Variants in KANK1 observed in about 807,000 individuals in gnomAD.
KANK1 encodes KN motif and ankyrin repeat domains 1.
In KANK1, 109 loss-of-function variants were observed where a neutral mutation model predicts 106.2. That is an observed-to-expected ratio of 1.03 (90% CI 0.88 to 1.20). KANK1 has a LOEUF of 1.20. Ranked by LOEUF, KANK1 falls within the 50% of genes most tolerant of loss-of-function variation. KANK1 has a pLI of 0.00. For missense variants in KANK1, 2,399 were observed against 1,710.7 expected (o/e 1.40, Z -7.10); for synonymous variants, 873 against 652.2 (o/e 1.34, Z -5.16).
At chr9:620,441 C>T (rs367950548) in intron 1 of KANK1, among the ~76,000 whole-genome samples, 17 of 151,952 alleles carry the variant, frequency 1.1e-4, no homozygotes, top group South Asian at 4.1e-4. Context: ...CACTGTCACC[C>T]GGGCTGGAGA....
chr9:561,379 A>G (rs1387123362), intron 1 of KANK1, among the ~76,000 whole-genome samples: 1 of 152,238 alleles, frequency 6.6e-6, no homozygotes, highest in African/African-American at 2.4e-5. Context: ...TAATGGCTAC[A>G]TAGCATCTCT....
At chr9:744,658 A>G in intron 11 of KANK1, 69 bp downstream of exon 11, 1 of 1,613,072 alleles carries the variant, frequency 6.2e-7, no homozygotes, top group Non-Finnish European at 8.5e-7. Context: ...CCCTTCCTCC[A>G]GGAATTGACG....
intron 9 of KANK1, among the ~76,000 whole-genome samples, chr9:741,379 G>A (rs949417867): frequency 1.3e-5 from 2 of 151,662 alleles, no homozygotes; most frequent in Non-Finnish European, 2.9e-5. Context: ...GAGTGCAGTG[G>A]CGGGATCTTG....
chr9:624,771 C>T (rs958947821), intron 1 of KANK1, among the ~76,000 whole-genome samples: 1 of 152,124 alleles, frequency 6.6e-6, no homozygotes, highest in African/African-American at 2.4e-5. Context: ...TGTACCCCAG[C>T]CTGGGTGACA....
intron 1 of KANK1, among the ~76,000 whole-genome samples, chr9:561,723 G>T (rs926924994): frequency 2.0e-5 from 3 of 152,180 alleles, no homozygotes; most frequent in African/African-American, 7.2e-5. Context: ...GTGATCTAAG[G>T]CTCCTTAAAA....
chr9:589,165 C>T (rs1285188548), intron 1 of KANK1, among the ~76,000 whole-genome samples: 1 of 152,220 alleles, frequency 6.6e-6, no homozygotes, highest in Non-Finnish European at 1.5e-5. Flanking sequence ...CTTCCACACA[C>T]ATTATCTCAT....
intron 1 of KANK1, among the ~76,000 whole-genome samples, chr9:600,822 A>G (rs1454428602): frequency 6.6e-6 from 1 of 151,880 alleles, no homozygotes; most frequent in Non-Finnish European, 1.5e-5. Flanking sequence ...ACTTTCCAAG[A>G]AAGATGAGTT....
chr9:492,802 A>G (rs962217725), intron 3 of KANK1, among the ~76,000 whole-genome samples: 5 of 152,056 alleles, frequency 3.3e-5, no homozygotes, highest in African/African-American at 1.2e-4. Context: ...AGGCGGGTGG[A>G]TCACCTGAGG....
At chr9:737,712 C>T (rs969482839) in intron 7 of KANK1, among the ~76,000 whole-genome samples, 17 of 152,308 alleles carry the variant, frequency 1.1e-4, no homozygotes, top group Admixed American at 9.2e-4. Flanking sequence ...TGGCTATACA[C>T]GTACGGTCTC....
intron 1 of KANK1, among the ~76,000 whole-genome samples, chr9:571,744 C>G (rs187468443): frequency 1.7e-4 from 26 of 152,224 alleles, no homozygotes; most frequent in African/African-American, 6.3e-4. Flanking sequence ...GAGAAGCAGA[C>G]ACATGGAGCA....
At chr9:588,498 G>C (rs987286045) in intron 1 of KANK1, among the ~76,000 whole-genome samples, 1 of 152,020 alleles carries the variant, frequency 6.6e-6, no homozygotes, top group Non-Finnish European at 1.5e-5. Flanking sequence ...TTCTCGAAAG[G>C]CCACACCAGT....
At chr9:616,429 C>A (rs571030707) in intron 1 of KANK1, among the ~76,000 whole-genome samples, 1 of 152,124 alleles carries the variant, frequency 6.6e-6, no homozygotes, top group Non-Finnish European at 1.5e-5. Flanking sequence ...CTTTAATTTA[C>A]GAAACCTCTA....
intron 2 of KANK1, among the ~76,000 whole-genome samples, chr9:678,506 A>T (rs1209909342): frequency 6.6e-6 from 1 of 152,104 alleles, no homozygotes; most frequent in Non-Finnish European, 1.5e-5. Flanking sequence ...AGGGGGATGG[A>T]TCACCCAAGG....
At chr9:515,331 C>T (rs1196051629) in intron 1 of KANK1, among the ~76,000 whole-genome samples, 3 of 140,672 alleles carry the variant, frequency 2.1e-5, no homozygotes, top group Admixed American at 1.4e-4. Flanking sequence ...GGTGAAAGAG[C>T]AAGACTCCTT....
intron 1 of KANK1, among the ~76,000 whole-genome samples, chr9:505,195 C>T (rs887691602): frequency 1.3e-5 from 2 of 152,156 alleles, no homozygotes; most frequent in African/African-American, 4.8e-5. Flanking sequence ...ACGGGGGACC[C>T]TCTCTGAAGC....
intron 1 of KANK1, among the ~76,000 whole-genome samples, chr9:508,677 T>C (rs551302577): frequency 2.0e-5 from 3 of 151,460 alleles, no homozygotes; most frequent in African/African-American, 7.4e-5. Flanking sequence ...CTGGTTTCTT[T>C]CTCAACATTA....
At chr9:719,255 G>C (rs949917620) in intron 3 of KANK1, among the ~76,000 whole-genome samples, 1 of 152,074 alleles carries the variant, frequency 6.6e-6, no homozygotes, top group Admixed American at 6.5e-5. Flanking sequence ...GCGTGAGCCA[G>C]CGCGCCCGGC....
chr9:653,284 A>C (rs1841332889), intron 1 of KANK1, among the ~76,000 whole-genome samples: 1 of 152,112 alleles, frequency 6.6e-6, no homozygotes, highest in South Asian at 2.1e-4. Context: ...ACTGGAAATG[A>C]AAATGCGGTT....
intron 1 of KANK1, among the ~76,000 whole-genome samples, chr9:536,479 C>T (rs924049572): frequency 1.3e-5 from 2 of 152,050 alleles, no homozygotes; most frequent in South Asian, 2.1e-4. Flanking sequence ...AATCTGTTTC[C>T]TTACTGCTGC....
Sources: gnomAD v4.1 joint callset for allele counts (sites outside exome capture counted in the v4.1 genomes callset) on GRCh38, gnomAD v4.1.1 for gene constraint, MANE v1.5 for transcripts, NCBI Gene and HGNC (gene_info 2026-07-23, HGNC 2026-07-21) for gene names.